Variants in KCTD1 observed in about 807,000 individuals in gnomAD.
The protein encoded by KCTD1 is BTB/POZ domain-containing protein KCTD1.
KCTD1 carries 24 observed loss-of-function variants against 66.0 expected under a neutral mutation model. The observed-to-expected ratio is 0.36, with a 90% CI of 0.26 to 0.51. KCTD1 has a LOEUF of 0.51. Among genes scored for constraint, KCTD1 ranks in the 20% least tolerant of loss-of-function variants. The pLI, the probability that KCTD1 is intolerant of heterozygous loss-of-function variation, is 0.95. For synonymous variants in KCTD1, 511 were observed against 517.2 expected (o/e 0.99, Z 0.16); for missense variants, 943 against 1,205.2 (o/e 0.78, Z 3.22).
chr18:26,602,068 C>T (rs532484240), intron 1 of KCTD1, among the ~76,000 whole-genome samples: 1 of 152,092 alleles, frequency 6.6e-6, no homozygotes, highest in Non-Finnish European at 1.5e-5. Context: ...TCTTGTGTTA[C>T]TGACTTTAGG....
At chr18:26,597,214 A>G (rs1024016825) in intron 1 of KCTD1, among the ~76,000 whole-genome samples, 16 of 151,992 alleles carry the variant, frequency 1.1e-4, no homozygotes, top group Non-Finnish European at 2.1e-4. Context: ...CACCGAGATG[A>G]AAGTTAGAGC....
chr18:26,579,719 G>A (rs958105421), intron 1 of KCTD1, among the ~76,000 whole-genome samples: 8 of 152,094 alleles, frequency 5.3e-5, no homozygotes, highest in East Asian at 3.9e-4. Context: ...TAATAATGAC[G>A]AAATAGTCTA....
upstream of KCTD1, among the ~76,000 whole-genome samples, chr18:26,632,825 A>T (rs572681980): frequency 1.3e-5 from 2 of 152,202 alleles, no homozygotes; most frequent in Non-Finnish European, 2.9e-5. Flanking sequence ...ATGAAAAGAT[A>T]TATCAAGTTA....
intron 1 of KCTD1, chr18:26,591,465 A>G (rs1173636046): frequency 2.6e-5 from 4 of 152,158 alleles, no homozygotes; most frequent in Non-Finnish European, 5.9e-5. Flanking sequence ...TACTACTACT[A>G]ATAATTTAAA....
chr18:26,565,488 G>A (rs1985961246), intron 1 of KCTD1, among the ~76,000 whole-genome samples: 2 of 152,182 alleles, frequency 1.3e-5, no homozygotes, highest in Admixed American at 1.3e-4. Flanking sequence ...AACCCATCAA[G>A]AATGCCCAAT....
chr18:26,630,011 T>C (rs1987583632), upstream of KCTD1, among the ~76,000 whole-genome samples: 1 of 152,172 alleles, frequency 6.6e-6, no homozygotes, highest in Admixed American at 6.5e-5. Context: ...TCCTGAGGTA[T>C]AGCCCACAGA....
chr18:26,581,445 A>T (rs1336264760), intron 1 of KCTD1: 1 of 152,148 alleles, frequency 6.6e-6, no homozygotes, highest in Admixed American at 6.5e-5. Context: ...TTTTAGATAG[A>T]TGAGATGGCA....
Position 26,496,323 on chromosome 18 carries a change from TC to T in KCTD1, c.1988+4748del, listed in dbSNP as rs1358762139. On this transcript the variant is annotated intron_variant, in intron 2 of 4. Transcript: ENST00000580059. ...TCTATCTTCTTTATCCATTTATAAT[TC>T]TTTTTTGGTGGTAATATATTTTTCT... 5.3e-5 allele frequency among the ~76,000 whole-genome samples: 8 copies of T among 152,332 alleles called. No individual in the cohort carries two copies. The East Asian group carries it at 1.3e-3, about 26-fold the overall frequency.
intron 1 of KCTD1, among the ~76,000 whole-genome samples, chr18:26,508,999 C>T (rs1215146089): frequency 6.6e-6 from 1 of 152,160 alleles, no homozygotes; most frequent in African/African-American, 2.4e-5. Context: ...ATAACATCAA[C>T]GTGTTTTGAA....
chr18:26,473,285 T>C (rs2144591151), intron 3 of KCTD1, among the ~76,000 whole-genome samples: 1 of 152,158 alleles, frequency 6.6e-6, no homozygotes, highest in African/African-American at 2.4e-5. Context: ...CTGGAAGCCA[T>C]TATCCTCAGC....
intron 1 of KCTD1, chr18:26,567,035 C>T (rs1472068593): frequency 1.3e-5 from 2 of 152,054 alleles, no homozygotes; most frequent in Admixed American, 6.6e-5. Flanking sequence ...GCAAGTGGCT[C>T]TCTGGGAGCT....
intron 1 of KCTD1, among the ~76,000 whole-genome samples, chr18:26,556,642 G>T (rs965479084): frequency 6.6e-6 from 1 of 152,208 alleles, no homozygotes; most frequent in Non-Finnish European, 1.5e-5. Context: ...TTTAGTGAAT[G>T]CTTGCTGTGG....
chr18:26,553,949 C>A (rs1238021901), intron 1 of KCTD1, among the ~76,000 whole-genome samples: 9 of 141,762 alleles, frequency 6.3e-5, no homozygotes, highest in Admixed American at 5.0e-4. Context: ...CTCTAGGAAC[C>A]AAAGAATGAA....
intron 1 of KCTD1, among the ~76,000 whole-genome samples, chr18:26,651,456 G>C (rs935997051): frequency 3.0e-4 from 45 of 152,126 alleles, no homozygotes; most frequent in Admixed American, 2.4e-3. Context: ...TTAGGGTAGG[G>C]GGAACACTGA....
At position 26,520,357 on chromosome 18, in the gene KCTD1, C is replaced by T. The variant is rs376316153; in HGVS notation, c.1810-19107G>A. On this transcript the variant is annotated intron_variant, in intron 1 of 4. Coordinates refer to ENST00000580059, the MANE Select transcript of KCTD1 (RefSeq NM_001142730.3). ...CATGTAAAACTAAATGGAAGTCAGA[C>T]GATAGCCCCCTAAATTATTGATGAC... is the stretch of plus-strand genomic sequence containing the variant. Among the ~76,000 whole-genome samples the T allele has an allele frequency of 2.0e-5, 3 of 152,270 alleles. No homozygotes were observed. The East Asian group carries it at 5.8e-4, about 29-fold the overall frequency.
upstream of KCTD1, chr18:26,640,428 G>A (rs1435486035): frequency 6.6e-6 from 1 of 152,518 alleles, no homozygotes; most frequent in Non-Finnish European, 1.5e-5. Context: ...CAGCCTGGGT[G>A]ACAGAGTGAG....
At chr18:26,635,710 T>C (rs2145054036) in intron 1 of KCTD1, among the ~76,000 whole-genome samples, 1 of 152,302 alleles carries the variant, frequency 6.6e-6, no homozygotes, top group African/African-American at 2.4e-5. Context: ...CCCCAGGTGA[T>C]GCTGAGGTTA....
chr18:26,503,658 C>T lies in KCTD1; in HGVS notation c.1810-2408G>A, dbSNP rs143837424. Among the ~76,000 whole-genome samples, 61 of 152,214 alleles carry T rather than the reference C, an allele frequency of 4.0e-4. 1 individual carries two copies. In the East Asian group the frequency reaches 9.5e-3, roughly 24 times the overall value. On this transcript the variant is annotated intron_variant, in intron 1 of 4. Transcript: ENST00000580059. ...AACAGATTTGCAGGGTTAATATTGT[C>T]GTTAGACTGTGACCTCATTCAGCAT...
At chr18:26,640,058 G>A (rs1054392187) in intron 1 of KCTD1, among the ~76,000 whole-genome samples, 1 of 152,146 alleles carries the variant, frequency 6.6e-6, no homozygotes, top group African/African-American at 2.4e-5. Flanking sequence ...TGGGACAAGC[G>A]TGGTGGCCAC....
Sources: gnomAD v4.1 joint callset for allele counts (sites outside exome capture counted in the v4.1 genomes callset) on GRCh38, gnomAD v4.1.1 for gene constraint, MANE v1.5 for transcripts, NCBI Gene and HGNC (gene_info 2026-07-23, HGNC 2026-07-21) for gene names.